The following RNF150 variants were observed in gnomAD, a reference collection of about 807,000 sequenced individuals.
RNF150 encodes ring finger protein 150.
A neutral mutation model predicts 39.3 loss-of-function variants in RNF150; 24 were observed. The observed-to-expected ratio is 0.61, with a 90% CI of 0.44 to 0.86. RNF150 has a LOEUF of 0.86. RNF150 is among the 40% of genes least tolerant of loss of function. The probability of loss-of-function intolerance (pLI) is 0.00; values close to 1 mark genes in which losing one functional copy is unlikely to be tolerated. For missense variants in RNF150, 502 were observed against 587.8 expected, an observed-to-expected ratio of 0.85 and a Z score of 1.51; for synonymous variants, 255 against 227.3, an observed-to-expected ratio of 1.12 and a Z score of -1.10.
chr4:140,926,158 A>C, intron 4 of RNF150, 85 bp from the exon 5 acceptor site: 2 of 933,838 alleles, frequency 2.1e-6, no homozygotes, highest in Admixed American at 3.9e-5. Context: ...GTCCAAGGTC[A>C]CAAAATTACT....
At chr4:141,047,959 G>T (rs778673981) in intron 1 of RNF150, among the ~76,000 whole-genome samples, 1 of 152,148 alleles carries the variant, frequency 6.6e-6, no homozygotes, top group Non-Finnish European at 1.5e-5. Flanking sequence ...CAGAGGAAAA[G>T]TCAATAGGAG....
intron 1 of RNF150, among the ~76,000 whole-genome samples, chr4:140,998,003 G>T (rs553935795): frequency 1.3e-5 from 2 of 152,086 alleles, no homozygotes; most frequent in African/African-American, 4.8e-5. Flanking sequence ...AAATGTATTA[G>T]CTGGTGGCCC....
chr4:141,199,641 A>G (rs1728257289), intron 1 of RNF150, among the ~76,000 whole-genome samples: 1 of 152,196 alleles, frequency 6.6e-6, no homozygotes, highest in South Asian at 2.1e-4. Flanking sequence ...ATTCTAGGAA[A>G]AGCAAAATTA....
In RNF150 at chr4:141,024,814, G is replaced by T. The variant is rs1735630739; in HGVS notation, c.485-56941C>A. Among the ~76,000 whole-genome samples, 3 of 152,030 alleles carry T rather than the reference G, an allele frequency of 2.0e-5. No homozygotes were observed. In the South Asian group the frequency reaches 6.2e-4, roughly 32 times the overall value. On this transcript the variant is annotated intron_variant, in intron 1 of 6. Coordinates refer to ENST00000515673, the MANE Select transcript of RNF150 (RefSeq NM_020724.2). ...TAACATAAAGATATAAGATTTGATT[G>T]GCTACTATTAATTACACTCTAAGGA... is the stretch of plus-strand genomic sequence containing the variant.
intron 1 of RNF150, among the ~76,000 whole-genome samples, chr4:140,998,813 G>A (rs1734475097): frequency 1.3e-5 from 2 of 152,142 alleles, no homozygotes; most frequent in African/African-American, 4.8e-5. Flanking sequence ...AGCTTCCTTA[G>A]TTCCTTCCAG....
At chr4:140,982,821 C>A (rs561186735) in intron 1 of RNF150, among the ~76,000 whole-genome samples, 1 of 152,088 alleles carries the variant, frequency 6.6e-6, no homozygotes, top group Non-Finnish European at 1.5e-5. Flanking sequence ...CACATCCCAG[C>A]GGTGATTCTG....
At chr4:141,184,867 C>CTGTGTG (rs61134992) in intron 1 of RNF150, among the ~76,000 whole-genome samples, 51,959 of 147,926 alleles carry the variant, frequency 0.35, 10,957 homozygotes, top group Non-Finnish European at 0.48. Context: ...GTCTATATAT[C>CTGTGTG]TGTGTGTGTG....
intron 1 of RNF150, among the ~76,000 whole-genome samples, chr4:141,058,245 A>G (rs1042092527): frequency 2.7e-5 from 4 of 149,756 alleles, no homozygotes; most frequent in African/African-American, 7.3e-5. Context: ...TATTTGGAAA[A>G]TACATAAAGA....
intron 1 of RNF150, among the ~76,000 whole-genome samples, chr4:141,085,988 C>A (rs1274963874): frequency 2.0e-5 from 3 of 150,274 alleles, no homozygotes; most frequent in African/African-American, 7.4e-5. Context: ...GTCAATAAAG[C>A]TTAATGCTAA....
At chr4:141,194,174 C>A (rs1728160156) in intron 1 of RNF150, among the ~76,000 whole-genome samples, 1 of 152,198 alleles carries the variant, frequency 6.6e-6, no homozygotes, top group South Asian at 2.1e-4. Context: ...CCATTGCTTG[C>A]ACTAATGTCT....
intron 1 of RNF150, among the ~76,000 whole-genome samples, chr4:141,052,596 G>A (rs192348322): frequency 2.6e-5 from 4 of 152,162 alleles, no homozygotes; most frequent in East Asian, 1.9e-4. Context: ...GGCTGGTCTT[G>A]GACTCCTGAC....
intron 3 of RNF150, among the ~76,000 whole-genome samples, chr4:140,948,021 T>C (rs111799365): frequency 9.9e-4 from 151 of 152,288 alleles, no homozygotes; most frequent in African/African-American, 3.5e-3. Context: ...ATCAAAATTT[T>C]CAGGATGAGA....
At chr4:141,088,846 C>T (rs573724236) in intron 1 of RNF150, among the ~76,000 whole-genome samples, 7 of 152,278 alleles carry the variant, frequency 4.6e-5, no homozygotes, top group Admixed American at 4.6e-4. Flanking sequence ...TCCAGAACCA[C>T]AGTTTTCACC....
intron 5 of RNF150, 43 bp downstream of exon 5, chr4:140,925,934 A>C: frequency 7.2e-7 from 1 of 1,388,492 alleles, no homozygotes. Flanking sequence ...AGGGCAACGC[A>C]GAAAGACAGA....
intron 1 of RNF150, among the ~76,000 whole-genome samples, chr4:141,065,977 T>C (rs912076554): frequency 5.3e-5 from 8 of 152,172 alleles, no homozygotes; most frequent in South Asian, 2.1e-4. Flanking sequence ...GCTGCTCCTG[T>C]TGAGGTAACA....
intron 2 of RNF150, among the ~76,000 whole-genome samples, chr4:140,958,012 G>T (rs1303602619): frequency 6.6e-6 from 1 of 151,764 alleles, no homozygotes; most frequent in East Asian, 1.9e-4. Flanking sequence ...CCTGCACATT[G>T]TGCACATGTA....
rs1018281016 is a variant in RNF150, at chr4:141,018,977, C to T, written c.485-51104G>A. ...AAACATTGCTGGGGTTTATTCTTCT[C>T]CTATTAATCTATAGAGTTACAGAAA... On this transcript the variant is annotated intron_variant, in intron 1 of 6. Coordinates refer to ENST00000515673, the MANE Select transcript of RNF150 (RefSeq NM_020724.2). 1.4e-4 allele frequency among the ~76,000 whole-genome samples: 21 copies of T among 148,964 alleles called. No homozygotes were observed. The Admixed American group carries it at 1.4e-3, about 10-fold the overall frequency.
At chr4:141,134,787 A>G (rs764022099), upstream of RNF150, among the ~76,000 whole-genome samples, 2 of 152,240 alleles carry the variant, frequency 1.3e-5, no homozygotes, top group African/African-American at 2.4e-5. Flanking sequence ...AAGTGGAGAC[A>G]CCTGGCTGCT....
intron 1 of RNF150, among the ~76,000 whole-genome samples, chr4:141,001,612 C>T (rs1734670642): frequency 6.6e-6 from 1 of 152,028 alleles, no homozygotes; most frequent in Non-Finnish European, 1.5e-5. Context: ...TATCCAAAAC[C>T]ATGTGCTTAC....
Sources: gnomAD v4.1 joint callset for allele counts (sites outside exome capture counted in the v4.1 genomes callset) on GRCh38, gnomAD v4.1.1 for gene constraint, MANE v1.5 for transcripts, NCBI Gene and HGNC (gene_info 2026-07-23, HGNC 2026-07-21) for gene names.